Variants in TSHZ2 observed in about 807,000 individuals in gnomAD.
The protein encoded by TSHZ2 is teashirt zinc finger homeobox 2.
TSHZ2 carries 21 observed loss-of-function variants against 74.4 expected under a neutral mutation model. The ratio of observed to expected loss-of-function variants is 0.28; its 90% CI spans 0.20 to 0.41. The LOEUF is 0.41. Among genes scored for constraint, TSHZ2 ranks in the 10% least tolerant of loss-of-function variants. TSHZ2 has a pLI of 1.00. For synonymous variants in TSHZ2, 540 were observed against 515.3 expected, an observed-to-expected ratio of 1.05 and a Z score of -0.65; for missense variants, 1,244 against 1,293.5, an observed-to-expected ratio of 0.96 and a Z score of 0.59.
At chr20:53,191,888 A>G (rs1988745114) in intron 1 of TSHZ2, among the ~76,000 whole-genome samples, 1 of 152,156 alleles carries the variant, frequency 6.6e-6, no homozygotes, top group Non-Finnish European at 1.5e-5. Context: ...TATATTGATG[A>G]GTCTTCCTTT....
chr20:53,333,385 AAGG>A (rs529629748), intron 2 of TSHZ2, among the ~76,000 whole-genome samples: 17 of 152,198 alleles, frequency 1.1e-4, no homozygotes, highest in Non-Finnish European at 2.1e-4. Flanking sequence ...AAGTGGAGAG[AAGG>A]AGATGTCCTG....
At chr20:53,327,287 G>A (rs169273) in intron 2 of TSHZ2, among the ~76,000 whole-genome samples, 86,132 of 152,060 alleles carry the variant, frequency 0.57, 25,818 homozygotes, top group African/African-American at 0.76. Flanking sequence ...AGAGTTCTCA[G>A]GCCCCTGAGT....
chr20:53,034,615 AG>A (rs1199029139), intron 1 of TSHZ2, among the ~76,000 whole-genome samples: 1 of 152,228 alleles, frequency 6.6e-6, no homozygotes, highest in Non-Finnish European at 1.5e-5. Flanking sequence ...AATCAAGAAA[AG>A]CTCCTTTGAG....
intron 2 of TSHZ2, among the ~76,000 whole-genome samples, chr20:53,415,754 CACAT>C (rs954002783): frequency 4.3e-3 from 29 of 6,718 alleles, no homozygotes; most frequent in African/African-American, 0.012. Context: ...TGTGTATGCA[CACAT>C]GCATGCTTGT....
chr20:53,370,250 G>A (rs927567506), intron 2 of TSHZ2, among the ~76,000 whole-genome samples: 2 of 152,162 alleles, frequency 1.3e-5, no homozygotes, highest in African/African-American at 4.8e-5. Flanking sequence ...AAGCCTGAGA[G>A]GAAAGCCAAG....
intron 2 of TSHZ2, among the ~76,000 whole-genome samples, chr20:53,304,034 T>TTTA (rs200671444): frequency 0.055 from 8,270 of 151,232 alleles, 361 homozygotes; most frequent in African/African-American, 0.12. Flanking sequence ...CAACAGATTC[T>TTTA]TTATTATTAT....
chr20:53,057,490 T>A (rs1984678240), intron 1 of TSHZ2, among the ~76,000 whole-genome samples: 1 of 152,168 alleles, frequency 6.6e-6, no homozygotes, highest in Non-Finnish European at 1.5e-5. Flanking sequence ...CTTGCCAGGT[T>A]ATGTATGTTT....
chr20:53,410,623 T>TATTATTATTATA (rs1173823295), intron 2 of TSHZ2, among the ~76,000 whole-genome samples: 2 of 148,496 alleles, frequency 1.3e-5, no homozygotes, highest in Non-Finnish European at 3.0e-5. Flanking sequence ...TTATTATTAT[T>TATTATTATTATA]ATTAGCTGTG....
chr20:53,149,839 T>G (rs890351326), intron 1 of TSHZ2, among the ~76,000 whole-genome samples: 3 of 152,326 alleles, frequency 2.0e-5, no homozygotes, highest in Admixed American at 6.5e-5. Context: ...GCATCCTGTT[T>G]GCATAAGCAC....
rs147175006 is a variant in TSHZ2 at position 53,254,880 on chromosome 20, G to A, written c.1422G>A (p.Lys474=). 1.9e-6 allele frequency: 3 copies of A among 1,614,034 alleles called. No homozygotes were observed. The African/African-American group carries it at 4.0e-5, about 22-fold the overall frequency. The change falls in exon 2 of 3, where the codon AAG becomes AAA. Residue 474 remains lysine, a synonymous_variant. Coordinates refer to ENST00000371497, the MANE Select transcript of TSHZ2 (RefSeq NM_173485.6). The part of the protein sequence containing the change: ...SKKERPEETS[K]DEKVVKSEDY... The stretch of plus-strand genomic sequence containing the variant: ...AAGAAAGGCCAGAGGAAACCAGCAA[G>A]GATGAGAAAGTCGTGAAAAGCGAGG...
intron 1 of TSHZ2, among the ~76,000 whole-genome samples, chr20:53,037,226 C>T (rs1220594606): frequency 1.3e-5 from 2 of 152,152 alleles, no homozygotes; most frequent in Non-Finnish European, 2.9e-5. Context: ...TCAGTGAGCG[C>T]TCAGGAAGCA....
chr20:53,126,265 C>T (rs897544297), intron 1 of TSHZ2, among the ~76,000 whole-genome samples: 1 of 152,228 alleles, frequency 6.6e-6, no homozygotes, highest in Non-Finnish European at 1.5e-5. Flanking sequence ...CTTCCTATGC[C>T]TGTGCGATCA....
At chr20:53,367,747 A>G (rs758084634) in intron 2 of TSHZ2, among the ~76,000 whole-genome samples, 1 of 151,538 alleles carries the variant, frequency 6.6e-6, no homozygotes, top group Non-Finnish European at 1.5e-5. Flanking sequence ...AGTTTTTTGT[A>G]TTTTTAGTAG....
intron 1 of TSHZ2, among the ~76,000 whole-genome samples, chr20:52,990,282 TAATGAAA>T (rs1440768132): frequency 2.3e-4 from 35 of 152,172 alleles, no homozygotes; most frequent in Non-Finnish European, 4.0e-4. Flanking sequence ...TCTACCCCTC[TAATGAAA>T]AATGTCTACC....
intron 2 of TSHZ2, among the ~76,000 whole-genome samples, chr20:53,294,520 A>G (rs1417123011): frequency 1.3e-5 from 2 of 152,136 alleles, no homozygotes; most frequent in East Asian, 3.8e-4. Context: ...ATTAAAGTCA[A>G]GTCAAACCCA....
intron 2 of TSHZ2, among the ~76,000 whole-genome samples, chr20:53,306,363 C>T (rs1351932181): frequency 3.3e-5 from 5 of 152,106 alleles, no homozygotes; most frequent in Admixed American, 1.3e-4. Context: ...CTGTGAAAAA[C>T]GTGTATTTTG....
chr20:53,142,506 C>G (rs2123418547), intron 1 of TSHZ2, among the ~76,000 whole-genome samples: 1 of 152,306 alleles, frequency 6.6e-6, no homozygotes, highest in Non-Finnish European at 1.5e-5. Flanking sequence ...GTGATGAGTT[C>G]CAATACAAGC....
At chr20:53,021,830 A>G (rs1983258336) in intron 1 of TSHZ2, among the ~76,000 whole-genome samples, 1 of 152,184 alleles carries the variant, frequency 6.6e-6, no homozygotes, top group African/African-American at 2.4e-5. Flanking sequence ...GTATCCAGAT[A>G]CTTGGTTTTT....
intron 2 of TSHZ2, among the ~76,000 whole-genome samples, chr20:53,437,081 C>A (rs1395428490): frequency 6.6e-6 from 1 of 152,174 alleles, no homozygotes; most frequent in Non-Finnish European, 1.5e-5. Flanking sequence ...CCTCTGGGCA[C>A]CTCCAGAATA....
Sources: allele counts gnomAD v4.1 joint callset (sites outside exome capture counted in the v4.1 genomes callset), GRCh38; gene constraint gnomAD v4.1.1; transcripts MANE v1.5; gene names NCBI Gene and HGNC (gene_info 2026-07-23, HGNC 2026-07-21).